Variants in ANO2 observed in about 807,000 individuals in gnomAD.
ANO2 encodes the protein anoctamin 2, also known as anoctamin-2.
A neutral mutation model predicts 124.2 loss-of-function variants in ANO2; 101 were observed. That is an observed-to-expected ratio of 0.81 (90% CI 0.69 to 0.96). The LOEUF is 0.96. Among genes scored for constraint, ANO2 ranks in the 40% least tolerant of loss-of-function variants. The pLI is 0.00. For missense variants in ANO2, 1,293 were observed against 1,274.5 expected (o/e 1.01, Z -0.22); for synonymous variants, 486 against 482.5 (o/e 1.01, Z -0.09).
chr12:5,811,126 A>G (rs1358898022), intron 7 of ANO2, among the ~76,000 whole-genome samples: 1 of 152,180 alleles, frequency 6.6e-6, no homozygotes, highest in Non-Finnish European at 1.5e-5. Flanking sequence ...CCAAACTCAA[A>G]GGAAACTTTT....
chr12:5,600,179 T>C (rs1043589029), intron 19 of ANO2, among the ~76,000 whole-genome samples: 13 of 150,902 alleles, frequency 8.6e-5, no homozygotes, highest in African/African-American at 2.9e-4. Context: ...TTTTAGGAGG[T>C]AATTTAGATT....
At chr12:5,644,709 T>A (rs1946543804) in intron 15 of ANO2, among the ~76,000 whole-genome samples, 1 of 152,234 alleles carries the variant, frequency 6.6e-6, no homozygotes, top group Non-Finnish European at 1.5e-5. Flanking sequence ...TGGGATCACA[T>A]CCAAGGTACA....
chr12:5,922,724 G>A lies in ANO2; in HGVS notation c.103C>T (p.Gln35Ter). The change falls in exon 2 of 25, where the codon CAG becomes TAG. Residue 35 changes from glutamine to a stop codon, truncating the protein, a stop_gained. Transcript: ENST00000682330. LOFTEE classifies it high-confidence loss of function. ...GGACCTGGCATCTTGAGACACTGCT[G>A]TCCATGTTTGGGGCCCTGGCCCCCT... ...SRGGQGPKHG[Q>*]QCLKMPGPRA... 1 of 1,600,616 alleles carries A rather than the reference G, an allele frequency of 6.2e-7. No individual in the cohort carries two copies.
At chr12:5,815,010 T>G (rs1157459983) in intron 7 of ANO2, among the ~76,000 whole-genome samples, 2 of 152,200 alleles carry the variant, frequency 1.3e-5, no homozygotes, top group Non-Finnish European at 2.9e-5. Flanking sequence ...AACATACAAC[T>G]GCAAGCATGC....
intron 7 of ANO2, among the ~76,000 whole-genome samples, chr12:5,811,718 C>A (rs1178678630): frequency 6.6e-6 from 1 of 152,104 alleles, no homozygotes; most frequent in Non-Finnish European, 1.5e-5. Context: ...AAGTCAACTC[C>A]CAGGGCCCTG....
chr12:5,883,117 G>A (rs1255094245), intron 3 of ANO2, among the ~76,000 whole-genome samples: 5 of 151,304 alleles, frequency 3.3e-5, no homozygotes, highest in East Asian at 2.0e-4. Context: ...CACACAGCCC[G>A]TGTCAGCCTA....
intron 4 of ANO2, among the ~76,000 whole-genome samples, chr12:5,850,647 A>G (rs1405375098): frequency 6.6e-6 from 1 of 152,104 alleles, no homozygotes; most frequent in Non-Finnish European, 1.5e-5. Context: ...ACTACTTGAC[A>G]CAGTATCCCA....
intron 14 of ANO2, among the ~76,000 whole-genome samples, chr12:5,663,731 C>T (rs1432869524): frequency 1.3e-5 from 2 of 152,196 alleles, no homozygotes; most frequent in African/African-American, 4.8e-5. Context: ...CCCCCTCCAA[C>T]TCCCTAGTGA....
At chr12:5,703,961 T>C (rs1253148582) in intron 14 of ANO2, among the ~76,000 whole-genome samples, 1 of 152,204 alleles carries the variant, frequency 6.6e-6, no homozygotes, top group Non-Finnish European at 1.5e-5. Flanking sequence ...TTTCTGACAA[T>C]ATCCATTCAC....
chr12:5,574,014 C>T (rs1412951221), intron 23 of ANO2, among the ~76,000 whole-genome samples: 2 of 152,174 alleles, frequency 1.3e-5, no homozygotes, highest in Non-Finnish European at 2.9e-5. Flanking sequence ...GGCAGACATG[C>T]CCAGGGTCAT....
chr12:5,819,080 C>G (rs1953703039), intron 7 of ANO2, among the ~76,000 whole-genome samples: 1 of 152,144 alleles, frequency 6.6e-6, no homozygotes, highest in Non-Finnish European at 1.5e-5. Context: ...CACAGCCTCT[C>G]CAGGTATCTA....
chr12:5,792,098 G>T (rs2137150994), intron 10 of ANO2, among the ~76,000 whole-genome samples: 1 of 152,284 alleles, frequency 6.6e-6, no homozygotes, highest in East Asian at 1.9e-4. Flanking sequence ...TAGCACAGGT[G>T]CTATCACCCC....
intron 23 of ANO2, among the ~76,000 whole-genome samples, chr12:5,568,422 G>T (rs61908059): frequency 6.6e-6 from 1 of 151,864 alleles, no homozygotes; most frequent in Non-Finnish European, 1.5e-5. Flanking sequence ...TCAAAATGCC[G>T]ATCATGACCC....
At chr12:5,664,097 C>T (rs934648009) in intron 14 of ANO2, among the ~76,000 whole-genome samples, 6 of 152,230 alleles carry the variant, frequency 3.9e-5, no homozygotes, top group African/African-American at 1.4e-4. Context: ...TACATGAGTG[C>T]TTACATATAC....
At chr12:5,644,531 A>G (rs1946536648) in intron 15 of ANO2, among the ~76,000 whole-genome samples, 1 of 152,152 alleles carries the variant, frequency 6.6e-6, no homozygotes, top group Admixed American at 6.5e-5. Context: ...TGTTCTATTT[A>G]TTGTCCACCC....
intron 1 of ANO2, among the ~76,000 whole-genome samples, chr12:5,934,323 G>A (rs567207824): frequency 6.6e-6 from 1 of 152,236 alleles, no homozygotes; most frequent in Non-Finnish European, 1.5e-5. Flanking sequence ...AACATTACTT[G>A]GTAAATCCCT....
intron 4 of ANO2, among the ~76,000 whole-genome samples, chr12:5,833,500 T>G (rs923295308): frequency 3.3e-5 from 5 of 152,132 alleles, no homozygotes; most frequent in Non-Finnish European, 7.4e-5. Flanking sequence ...CAGTGGAGTA[T>G]AGCAGGAGTG....
intron 6 of ANO2, among the ~76,000 whole-genome samples, chr12:5,830,182 T>C (rs1181580330): frequency 6.6e-6 from 1 of 152,162 alleles, no homozygotes; most frequent in Non-Finnish European, 1.5e-5. Flanking sequence ...TCTCTGTTTT[T>C]CTTTTTTTTC....
intron 3 of ANO2, among the ~76,000 whole-genome samples, chr12:5,880,576 C>T (rs975952100): frequency 9.2e-5 from 14 of 151,868 alleles, no homozygotes; most frequent in African/African-American, 3.4e-4. Flanking sequence ...CCTGGACACC[C>T]AAGGGAGGGA....
Sources: allele counts gnomAD v4.1 joint callset (sites outside exome capture counted in the v4.1 genomes callset), GRCh38; gene constraint gnomAD v4.1.1; transcripts MANE v1.5; gene names NCBI Gene and HGNC (gene_info 2026-07-23, HGNC 2026-07-21).